Variants in SCML4 observed in about 807,000 individuals in gnomAD.
The protein encoded by SCML4 is Scm polycomb group protein like 4.
A neutral mutation model predicts 41.1 loss-of-function variants in SCML4; 34 were observed. The ratio of observed to expected loss-of-function variants is 0.83; its 90% confidence interval spans 0.63 to 1.10. The LOEUF is 1.10. Among genes scored for constraint, SCML4 ranks in the 50% least tolerant of loss-of-function variants. SCML4 has a pLI of 0.00. For synonymous variants in SCML4, 214 were observed against 220.9 expected (o/e 0.97, Z 0.28); for missense variants, 522 against 534.1 (o/e 0.98, Z 0.22).
intron 5 of SCML4, among the ~76,000 whole-genome samples, chr6:107,742,819 G>GA (rs35427576): frequency 1.3e-5 from 2 of 150,436 alleles, no homozygotes; most frequent in Non-Finnish European, 3.0e-5. Context: ...CAATGTGAAA[G>GA]AAAAAAAAAA....
chr6:107,840,425 T>C, the SCML4 span, among the ~76,000 whole-genome samples: 1 of 152,222 alleles, frequency 6.6e-6, no homozygotes, highest in African/African-American at 2.4e-5. Flanking sequence ...ATCTCACAGA[T>C]TCCTGAGTAG....
chr6:107,789,727 A>G lies in SCML4; in HGVS notation c.-59-17341T>C, dbSNP rs531588284. ...GAACAAGTCCTCCTTCCCTCAGAGC[A>G]CCACACCTGTGGAAGGGAGGATTCC... is the stretch of plus-strand genomic sequence containing the variant. On this transcript the variant is annotated intron_variant, in intron 1 of 7. Coordinates refer to ENST00000369020, the MANE Select transcript of SCML4 (RefSeq NM_198081.5). 1.2e-4 allele frequency among the ~76,000 whole-genome samples: 19 copies of G among 152,248 alleles called. No individual in the cohort carries two copies. In the East Asian group the frequency reaches 3.3e-3, roughly 26 times the overall value.
At chr6:107,822,693 C>T (rs954953614) in intron 1 of SCML4, among the ~76,000 whole-genome samples, 27 of 152,038 alleles carry the variant, frequency 1.8e-4, no homozygotes, top group African/African-American at 6.0e-4. Flanking sequence ...ATTTAAAGAG[C>T]TAAAGAAAAC....
intron 5 of SCML4, among the ~76,000 whole-genome samples, chr6:107,726,801 G>A (rs562407072): frequency 2.0e-5 from 3 of 152,204 alleles, no homozygotes; most frequent in East Asian, 1.9e-4. Flanking sequence ...ACACCCTGCT[G>A]GTAGGAATAG....
chr6:107,715,391 C>T (rs995444325), intron 6 of SCML4, among the ~76,000 whole-genome samples: 11 of 150,412 alleles, frequency 7.3e-5, no homozygotes, highest in African/African-American at 2.7e-4. Flanking sequence ...ATCCCTCACC[C>T]AATGCCAGGC....
At chr6:107,818,129 T>C (rs539127973) in intron 1 of SCML4, among the ~76,000 whole-genome samples, 1 of 152,368 alleles carries the variant, frequency 6.6e-6, no homozygotes, top group East Asian at 1.9e-4. Context: ...AATTTAAAGC[T>C]ATCTACAGCT....
At chr6:107,801,517 AT>A (rs1238132515) in intron 1 of SCML4, among the ~76,000 whole-genome samples, 4 of 151,982 alleles carry the variant, frequency 2.6e-5, no homozygotes, top group Admixed American at 2.6e-4. Flanking sequence ...GTCCATCGAG[AT>A]TTTTTTGTGT....
chr6:107,804,547 T>C (rs551340736), intron 1 of SCML4, among the ~76,000 whole-genome samples: 5 of 152,204 alleles, frequency 3.3e-5, no homozygotes, highest in Non-Finnish European at 5.9e-5. Context: ...CAAAACACAA[T>C]ATTTTATACC....
intron 2 of SCML4, among the ~76,000 whole-genome samples, chr6:107,758,825 T>C (rs1462209528): frequency 6.6e-6 from 1 of 152,120 alleles, no homozygotes; most frequent in Non-Finnish European, 1.5e-5. Flanking sequence ...CCAGAAAGGA[T>C]GTTTTAGCCA....
chr6:107,839,365 G>GA, the SCML4 span, among the ~76,000 whole-genome samples: 2,475 of 25,508 alleles, frequency 0.097, 58 homozygotes, highest in African/African-American at 0.15. Context: ...AAGAAAGAAA[G>GA]AAGGAAAGAA....
chr6:107,735,526 C>A (rs1271004720), intron 5 of SCML4, among the ~76,000 whole-genome samples: 3 of 151,930 alleles, frequency 2.0e-5, no homozygotes, highest in Non-Finnish European at 2.9e-5. Context: ...TGGCCCGACA[C>A]AGTGGCTCAC....
intron 7 of SCML4, among the ~76,000 whole-genome samples, chr6:107,706,403 T>G (rs371162193): frequency 5.9e-4 from 90 of 152,312 alleles, no homozygotes; most frequent in African/African-American, 2.2e-3. Context: ...GGTCAACATA[T>G]GCCTAATAAA....
chr6:107,794,254 G>GAAAT (rs1487279970), intron 1 of SCML4, among the ~76,000 whole-genome samples: 3 of 152,176 alleles, frequency 2.0e-5, no homozygotes, highest in Non-Finnish European at 4.4e-5. Context: ...GATTAAAATG[G>GAAAT]AAATGCTCAG....
At chr6:107,757,306 G>T (rs571053936) in intron 2 of SCML4, among the ~76,000 whole-genome samples, 153 of 152,320 alleles carry the variant, frequency 1.0e-3, no homozygotes, top group African/African-American at 3.6e-3. Context: ...GCACACTAAA[G>T]GGGAGAGGAT....
chr6:107,742,641 C>T (rs191960571), intron 5 of SCML4, among the ~76,000 whole-genome samples: 2 of 152,236 alleles, frequency 1.3e-5, no homozygotes, highest in Admixed American at 6.5e-5. Context: ...AATGGAACAG[C>T]ATTTTCAATG....
rs370390309 is a variant in SCML4, at chr6:107,795,824, GCCAGAAAGGTT to G, written c.-59-23449_-59-23439del. ...TTACAGGCTGGAGCCACCGCGCCCA[GCCAGAAAGGTT>G]CTTTATGCCTCTTCTCTGTCAGTCC... is the stretch of plus-strand genomic sequence containing the variant. On this transcript the variant is annotated intron_variant, in intron 1 of 7. Coordinates refer to ENST00000369020, the MANE Select transcript of SCML4 (RefSeq NM_198081.5). Among the ~76,000 whole-genome samples, 12 of 152,330 alleles carry G rather than the reference GCCAGAAAGGTT, an allele frequency of 7.9e-5. No individual in the cohort carries two copies. In the South Asian group the frequency reaches 1.4e-3, roughly 18 times the overall value.
intron 1 of SCML4, among the ~76,000 whole-genome samples, chr6:107,775,642 TA>T (rs1297232028): frequency 5.3e-5 from 8 of 152,242 alleles, no homozygotes; most frequent in African/African-American, 1.9e-4. Flanking sequence ...TAAATAAGAT[TA>T]TTTTATTTTG....
intron 6 of SCML4, among the ~76,000 whole-genome samples, chr6:107,717,496 T>C (rs1477691658): frequency 2.6e-5 from 4 of 152,136 alleles, no homozygotes; most frequent in Non-Finnish European, 4.4e-5. Context: ...TCCTGCTGAT[T>C]ATGGACAACT....
At chr6:107,717,542 T>C (rs1431921125) in intron 6 of SCML4, among the ~76,000 whole-genome samples, 1 of 152,040 alleles carries the variant, frequency 6.6e-6, no homozygotes, top group African/African-American at 2.4e-5. Flanking sequence ...CTCTCTAATA[T>C]TTATTTTTAT....
Sources: allele counts gnomAD v4.1 joint callset (sites outside exome capture counted in the v4.1 genomes callset), GRCh38; gene constraint gnomAD v4.1.1; transcripts MANE v1.5; gene names NCBI Gene and HGNC (gene_info 2026-07-23, HGNC 2026-07-21).